Variants in SELP observed in about 807,000 individuals in gnomAD.
SELP encodes the protein P-selectin.
Under a neutral mutation model 104.1 loss-of-function variants are expected in SELP, and 92 were observed. The observed-to-expected ratio is 0.88, with a 90% CI of 0.75 to 1.05. The LOEUF (loss-of-function observed/expected upper bound fraction) is 1.05, where lower values mean the gene tolerates loss of function less well. Ranked by LOEUF, SELP falls within the 50% of genes least tolerant of loss-of-function variation. SELP has a pLI of 0.00. For synonymous variants in SELP, 397 were observed against 364.5 expected, an observed-to-expected ratio of 1.09 and a Z score of -1.01; for missense variants, 1,022 against 1,017.3, an observed-to-expected ratio of 1.00 and a Z score of -0.06.
At chr1:169,591,518 G>C in intron 14 of SELP, 62 bp from the exon 15 acceptor site, 1 of 1,221,596 alleles carries the variant, frequency 8.2e-7, no homozygotes, top group Non-Finnish European at 1.2e-6. Context: ...GAAAGAGAGG[G>C]TCATTAAGGA....
chr1:169,622,742 C>A (rs1181652585), intron 1 of SELP, among the ~76,000 whole-genome samples: 1 of 151,856 alleles, frequency 6.6e-6, no homozygotes, highest in East Asian at 1.9e-4. Flanking sequence ...TTTTATTTTG[C>A]AAAGAAGTAT....
At chr1:169,597,657 A>G (rs1277266696) in intron 10 of SELP, among the ~76,000 whole-genome samples, 1 of 152,112 alleles carries the variant, frequency 6.6e-6, no homozygotes, top group East Asian at 1.9e-4. Flanking sequence ...TATTTCTTCC[A>G]TTTGAATCTC....
chr1:169,620,728 G>A (rs1473626005), intron 1 of SELP, among the ~76,000 whole-genome samples: 1 of 151,408 alleles, frequency 6.6e-6, no homozygotes, highest in Non-Finnish European at 1.5e-5. Flanking sequence ...ACGGTGTGCG[G>A]TTGTGTGTAT....
chr1:169,600,994 A>T (rs773143366), intron 10 of SELP, among the ~76,000 whole-genome samples: 52 of 152,236 alleles, frequency 3.4e-4, no homozygotes, highest in Non-Finnish European at 6.5e-4. Context: ...GGGGGGCTGG[A>T]AAGTAGTGAA....
chr1:169,591,526 G>A (rs1053587592), intron 14 of SELP, 70 bp from the exon 15 acceptor site: 7 of 1,144,702 alleles, frequency 6.1e-6, no homozygotes, highest in Admixed American at 2.4e-5. Flanking sequence ...GGGTCATTAA[G>A]GATAGAAATT....
intron 8 of SELP, among the ~76,000 whole-genome samples, chr1:169,608,839 G>A (rs1234640568): frequency 6.6e-6 from 1 of 152,022 alleles, no homozygotes; most frequent in African/African-American, 2.4e-5. Context: ...TTAGTGTGAG[G>A]TACTCCTCGT....
chr1:169,621,132 G>A (rs569458395), intron 1 of SELP, among the ~76,000 whole-genome samples: 2 of 116,168 alleles, frequency 1.7e-5, no homozygotes, highest in Admixed American at 8.9e-5. Flanking sequence ...ACACCCCAGT[G>A]ATGAGATGTA....
Position 169,616,961 on chromosome 1 carries a change from TGGC to T in SELP, c.481+64_481+66del. 15 of 1,376,226 alleles carry T rather than the reference TGGC, an allele frequency of 1.1e-5. No individual in the cohort carries two copies. The South Asian group carries it at 1.3e-4, about 11-fold the overall frequency. The allele number at this position is 1,376,226 out of a possible 1,614,324, so 85.3% of individuals were successfully genotyped here. A position where few individuals can be genotyped will look rare whatever the true frequency, so the allele number is the denominator to read the frequency against. ...CTTTGTGTTGACTCGGTGGTTATGTTGGCCAACCAGAGAAGGCAGGGTTTTTTT... is the reference window on the plus strand; with the variant it reads ...CTTTGTGTTGACTCGGTGGTTATGTTCAACCAGAGAAGGCAGGGTTTTTTT... On this transcript the variant is annotated intron_variant, in intron 3 of 16. Coordinates refer to ENST00000263686, the MANE Select transcript of SELP (RefSeq NM_003005.4).
intron 4 of SELP, 130 bp downstream of exon 4, chr1:169,613,456 A>G: frequency 1.4e-6 from 1 of 707,088 alleles, no homozygotes. Flanking sequence ...CACTGAGTGG[A>G]GGAGACAGAT....
At chr1:169,590,592 C>T (rs1244277154) in intron 15 of SELP, among the ~76,000 whole-genome samples, 1 of 150,578 alleles carries the variant, frequency 6.6e-6, no homozygotes, top group East Asian at 2.0e-4. Flanking sequence ...ACCAAGAGTT[C>T]TTCCGATATT....
intron 1 of SELP, among the ~76,000 whole-genome samples, chr1:169,620,658 C>T (rs1035065823): frequency 1.3e-5 from 2 of 151,982 alleles, no homozygotes; most frequent in Admixed American, 6.6e-5. Flanking sequence ...CAATTTGCTG[C>T]GAGGTTATGT....
At chr1:169,592,439 G>A (rs1661396472) in intron 14 of SELP, among the ~76,000 whole-genome samples, 1 of 152,114 alleles carries the variant, frequency 6.6e-6, no homozygotes, top group Non-Finnish European at 1.5e-5. Context: ...TTTTAACATA[G>A]CCACTTTCCA....
intron 1 of SELP, among the ~76,000 whole-genome samples, chr1:169,621,403 G>A (rs1303810522): frequency 7.0e-6 from 1 of 143,262 alleles, no homozygotes; most frequent in Non-Finnish European, 1.5e-5. Flanking sequence ...GATGGATGAT[G>A]TAGGGTGCAT....
rs1662395028 is a variant in SELP at position 169,609,638 on chromosome 1, G to A, written c.1199C>T (p.Ser400Phe). 6.2e-7 allele frequency: 1 copy of A among 1,613,864 alleles called. No homozygotes were observed. The highest frequency in any genetic ancestry group is 8.5e-7 in the Non-Finnish European group (1 of 1,179,966). ...ESPVHGSMDC[S>F]PSLRAFQYDT... ...ATACTGAAACGCTCTCAAGGATGGA[G>A]AGCAATCCATGCTTCCGTGGACAGG... Residue 400 changes from serine (S) to phenylalanine (F), a missense_variant, in exon 8 of 17, where the codon TCT becomes TTT. Transcript: ENST00000263686.
chr1:169,599,619 G>A (rs1008141257), intron 10 of SELP, among the ~76,000 whole-genome samples: 3 of 152,128 alleles, frequency 2.0e-5, no homozygotes, highest in Non-Finnish European at 2.9e-5. Context: ...GAGTTTGATA[G>A]AGTTTTCTCA....
In SELP at chr1:169,611,671, T is replaced by C. The variant is rs758952017; in HGVS notation, c.968A>G (p.Gln323Arg). The change falls in exon 7 of 17, where the codon CAG (glutamine) becomes CGG (arginine). Residue 323 changes from glutamine (Q) to arginine (R), a missense_variant. Physicochemically the swap from Gln to Arg is conservative, Grantham distance 43. Transcript: ENST00000263686. ...TAPAPVCKAVQCQHLEAPSEG... is the reference protein window; with the variant it reads ...TAPAPVCKAVRCQHLEAPSEG... ...ACTGGGGGCTTCCAGGTGCTGACAC[T>C]GCACAGCTGGAGAGAATAACCAAGG... The C allele has an allele frequency of 6.2e-7, 1 of 1,613,840 alleles. No homozygotes were observed. The highest frequency in any genetic ancestry group is 1.1e-5 in the South Asian group (1 of 91,072).
intron 9 of SELP, among the ~76,000 whole-genome samples, 160 bp downstream of exon 9, chr1:169,606,789 G>T (rs1405926926): frequency 2.6e-5 from 4 of 152,138 alleles, no homozygotes; most frequent in African/African-American, 9.7e-5. Context: ...ATTTGCATTT[G>T]GGATCCTTGG....
In SELP at chr1:169,611,653, G is replaced by A. The variant is rs1662542781; in HGVS notation, c.986C>T (p.Ala329Val). 1 of 1,614,010 alleles carries A rather than the reference G, an allele frequency of 6.2e-7. No individual in the cohort carries two copies. The highest frequency in any genetic ancestry group is 8.5e-7 in the Non-Finnish European group (1 of 1,179,968). Residue 329 changes from alanine to valine, a missense_variant, in exon 7 of 17, where the codon GCC becomes GTC. Ala to Val is a moderately conservative substitution (Grantham distance 64, BLOSUM62 0). Coordinates refer to ENST00000263686, the MANE Select transcript of SELP (RefSeq NM_003005.4). ...CKAVQCQHLE[A>V]PSEGTMDCVH... ...ACAGTCCATGGTTCCTTCACTGGGG[G>A]CTTCCAGGTGCTGACACTGCACAGC...
At chr1:169,600,410 T>C (rs1314197027) in intron 10 of SELP, among the ~76,000 whole-genome samples, 1 of 152,156 alleles carries the variant, frequency 6.6e-6, no homozygotes, top group Non-Finnish European at 1.5e-5. Context: ...ATTATGCCAT[T>C]TTATATAAGT....
Sources: allele counts gnomAD v4.1 joint callset (sites outside exome capture counted in the v4.1 genomes callset), GRCh38; gene constraint gnomAD v4.1.1; transcripts MANE v1.5; gene names NCBI Gene and HGNC (gene_info 2026-07-23, HGNC 2026-07-21).